Variants in NKAIN3 observed in about 807,000 individuals in gnomAD.
NKAIN3 encodes sodium/potassium-transporting ATPase subunit beta-1-interacting protein 3.
In NKAIN3, 25 loss-of-function variants were observed where a neutral mutation model predicts 30.2. The observed-to-expected ratio is 0.83, with a 90% CI of 0.60 to 1.16. The LOEUF (loss-of-function observed/expected upper bound fraction) is 1.16. Among genes scored for constraint, NKAIN3 ranks in the 50% most tolerant of loss-of-function variants. NKAIN3 has a pLI of 0.00. For synonymous variants in NKAIN3, 91 were observed against 89.6 expected (o/e 1.02, Z -0.09); for missense variants, 225 against 254.1 (o/e 0.89, Z 0.78).
intron 4 of NKAIN3, among the ~76,000 whole-genome samples, chr8:62,822,132 T>C (rs1361156489): frequency 6.6e-6 from 1 of 152,144 alleles, no homozygotes; most frequent in Non-Finnish European, 1.5e-5. Flanking sequence ...CTTTCTGTTA[T>C]CAAAATGGAG....
intron 3 of NKAIN3, among the ~76,000 whole-genome samples, chr8:62,657,532 G>C (rs1438782900): frequency 1.3e-5 from 2 of 152,088 alleles, no homozygotes; most frequent in East Asian, 3.8e-4. Context: ...CCTATGAGTA[G>C]AAAGCTGAAA....
chr8:62,773,611 TG>T (rs1817091571), intron 4 of NKAIN3, among the ~76,000 whole-genome samples: 1 of 152,112 alleles, frequency 6.6e-6, no homozygotes, highest in Non-Finnish European at 1.5e-5. Flanking sequence ...AATTGCATCA[TG>T]GGGGCAGATC....
intron 4 of NKAIN3, among the ~76,000 whole-genome samples, chr8:62,881,949 G>A (rs1430531085): frequency 1.3e-5 from 2 of 152,186 alleles, no homozygotes; most frequent in African/African-American, 4.8e-5. Context: ...CATTCTAATA[G>A]GTGTGTAATG....
At chr8:62,411,923 A>G (rs1710543930) in intron 1 of NKAIN3, among the ~76,000 whole-genome samples, 1 of 152,242 alleles carries the variant, frequency 6.6e-6, no homozygotes, top group South Asian at 2.1e-4. Flanking sequence ...AAACAAATGG[A>G]AAAACATTCC....
At position 62,674,043 on chromosome 8, in the gene NKAIN3, A is replaced by C. The variant is rs138203336; in HGVS notation, c.274-72889A>C. The stretch of plus-strand genomic sequence containing the variant: ...GTGTTGGCAGGGAGGGGACTTATTT[A>C]TGAAAAGCTCTCGATGTTACTTTGT... On this transcript the variant is annotated intron_variant, in intron 3 of 6. Transcript: ENST00000623646. Among the ~76,000 whole-genome samples, 101 of 152,300 alleles carry C rather than the reference A, an allele frequency of 6.6e-4. 1 individual carries two copies. The Middle Eastern group carries it at 0.01, about 15-fold the overall frequency.
chr8:62,648,813 G>T (rs190617628), intron 3 of NKAIN3, among the ~76,000 whole-genome samples: 1 of 152,290 alleles, frequency 6.6e-6, no homozygotes, highest in Non-Finnish European at 1.5e-5. Context: ...GAGCCAAGGT[G>T]CTGGGGCTTC....
intron 1 of NKAIN3, among the ~76,000 whole-genome samples, chr8:62,317,873 G>A (rs10090858): frequency 0.3 from 45,214 of 152,044 alleles, 7,064 homozygotes; most frequent in East Asian, 0.46. Flanking sequence ...TGGGCAGTAC[G>A]GCCATTTTCA....
intron 1 of NKAIN3, among the ~76,000 whole-genome samples, chr8:62,395,143 C>T (rs1008174478): frequency 2.0e-5 from 3 of 150,642 alleles, no homozygotes; most frequent in East Asian, 2.0e-4. Context: ...CCAGACGGGG[C>T]GGCGACGGGA....
intron 4 of NKAIN3, among the ~76,000 whole-genome samples, chr8:62,902,620 C>T (rs1821646634): frequency 6.6e-6 from 1 of 152,184 alleles, no homozygotes; most frequent in Non-Finnish European, 1.5e-5. Context: ...AAAATATACT[C>T]GTAGTCATGT....
intron 4 of NKAIN3, among the ~76,000 whole-genome samples, chr8:62,914,681 T>TC (rs762778893): frequency 2.0e-5 from 3 of 151,972 alleles, no homozygotes; most frequent in African/African-American, 2.4e-5. Flanking sequence ...AATATTCCTC[T>TC]CATCATTTTT....
intron 1 of NKAIN3, among the ~76,000 whole-genome samples, chr8:62,541,992 C>T (rs989410679): frequency 4.6e-5 from 7 of 152,132 alleles, no homozygotes; most frequent in African/African-American, 1.4e-4. Flanking sequence ...GGCTTGCTGC[C>T]TGTGGACCTC....
intron 4 of NKAIN3, among the ~76,000 whole-genome samples, chr8:62,785,455 T>A (rs186880225): frequency 6.6e-6 from 1 of 152,230 alleles, no homozygotes; most frequent in East Asian, 1.9e-4. Flanking sequence ...AGAGTGACTG[T>A]TAATGGGCAT....
At chr8:62,654,721 C>G (rs528266506) in intron 3 of NKAIN3, among the ~76,000 whole-genome samples, 1 of 152,192 alleles carries the variant, frequency 6.6e-6, no homozygotes, top group Non-Finnish European at 1.5e-5. Flanking sequence ...TTCAGGCAAA[C>G]AAGATTTTCA....
Position 62,975,281 on chromosome 8 carries a change from A to G in NKAIN3, c.*9874A>G, listed in dbSNP as rs1823917035. On this transcript the variant is annotated 3_prime_UTR_variant, in exon 7 of 7. Coordinates refer to ENST00000623646, the MANE Select transcript of NKAIN3 (RefSeq NM_001304533.3). ...TCTGGTAGAGTTCAGCTATGAGTCC[A>G]TCTGGTCCTGGGCTTTTTTTTTTAG... is the stretch of plus-strand genomic sequence containing the variant. Among the ~76,000 whole-genome samples, 5 of 150,958 alleles carry G rather than the reference A, an allele frequency of 3.3e-5. No individual in the cohort carries two copies. Among genetic ancestry groups the G allele is most frequent in the South Asian group, 4.2e-4 (2 of 4,786 alleles).
At chr8:62,317,803 A>G (rs910585780) in intron 1 of NKAIN3, among the ~76,000 whole-genome samples, 26 of 152,122 alleles carry the variant, frequency 1.7e-4, no homozygotes, top group African/African-American at 5.8e-4. Flanking sequence ...GTTTTTTCCA[A>G]TTCTGTGAAG....
chr8:62,590,630 CA>C (rs1460108905), intron 3 of NKAIN3, among the ~76,000 whole-genome samples: 3 of 151,848 alleles, frequency 2.0e-5, no homozygotes, highest in Non-Finnish European at 4.4e-5. Flanking sequence ...ATAACAGTCT[CA>C]GATTTTCTAA....
At chr8:62,691,369 AC>A (rs1813961107) in intron 3 of NKAIN3, among the ~76,000 whole-genome samples, 1 of 151,890 alleles carries the variant, frequency 6.6e-6, no homozygotes, top group African/African-American at 2.4e-5. Flanking sequence ...TTCCAACTGT[AC>A]GGCTTAGACA....
At chr8:62,494,299 T>G (rs976638141) in intron 1 of NKAIN3, among the ~76,000 whole-genome samples, 1 of 152,206 alleles carries the variant, frequency 6.6e-6, no homozygotes, top group Admixed American at 6.5e-5. Flanking sequence ...TTGTCTTTAG[T>G]TCTGTTTACG....
intron 4 of NKAIN3, among the ~76,000 whole-genome samples, chr8:62,801,394 A>G (rs1410204067): frequency 1.3e-5 from 2 of 152,190 alleles, no homozygotes; most frequent in Admixed American, 6.5e-5. Context: ...GACACCTCAC[A>G]CAGCCAGGTA....
Sources: gnomAD v4.1 joint callset for allele counts (sites outside exome capture counted in the v4.1 genomes callset) on GRCh38, gnomAD v4.1.1 for gene constraint, MANE v1.5 for transcripts, NCBI Gene and HGNC (gene_info 2026-07-23, HGNC 2026-07-21) for gene names.